Variants in ATXN3 observed in about 807,000 individuals in gnomAD.
ATXN3 encodes ataxin-3.
ATXN3 carries 28 observed loss-of-function variants against 58.2 expected under a neutral mutation model. The ratio of observed to expected loss-of-function variants is 0.48; its 90% CI spans 0.36 to 0.66. The LOEUF (loss-of-function observed/expected upper bound fraction) is 0.66. Ranked by LOEUF, ATXN3 falls within the 30% of genes least tolerant of loss-of-function variation. ATXN3 has a pLI of 0.00. For missense variants in ATXN3, 321 were observed against 422.1 expected, an observed-to-expected ratio of 0.76 and a Z score of 2.10; for synonymous variants, 113 against 138.5, an observed-to-expected ratio of 0.82 and a Z score of 1.29.
intron 10 of ATXN3, among the ~76,000 whole-genome samples, chr14:92,066,714 T>C (rs1302033265): frequency 6.6e-6 from 1 of 150,682 alleles, no homozygotes; most frequent in Non-Finnish European, 1.5e-5. Flanking sequence ...TTCAACCAAT[T>C]CTCTTGCCTC....
chr14:92,079,069 C>A (rs1378452979), intron 9 of ATXN3, among the ~76,000 whole-genome samples: 1 of 151,662 alleles, frequency 6.6e-6, no homozygotes, highest in Non-Finnish European at 1.5e-5. Flanking sequence ...ACCTGTAATC[C>A]CAGCTACTTG....
chr14:92,092,800 C>T (rs1293855033), intron 5 of ATXN3, among the ~76,000 whole-genome samples: 3 of 150,550 alleles, frequency 2.0e-5, no homozygotes, highest in Admixed American at 2.0e-4. Flanking sequence ...ACACACATTA[C>T]TGGTCAGTTT....
intron 2 of ATXN3, among the ~76,000 whole-genome samples, chr14:92,046,626 G>T (rs1160082704): frequency 1.4e-5 from 2 of 144,750 alleles, no homozygotes; most frequent in Non-Finnish European, 3.0e-5. Context: ...TTTAAGGAAT[G>T]GAAAGGGGAG....
At position 92,060,270 on chromosome 14, in the gene ATXN3, A is replaced by ATACACACACACATATATATATATATTT. The variant is rs1555392594; in HGVS notation, c.*4049_*4050insAAATATATATATATATGTGTGTGTGTA. ...CACACATATATATATATATATATATATTTTTTTTTTTCAGAAACAGTGTCT... is the reference window on the plus strand; with the variant it reads ...CACACATATATATATATATATATATATACACACACACATATATATATATATTTTTTTTTTTTTTCAGAAACAGTGTCT... On this transcript the variant is annotated 3_prime_UTR_variant, in exon 11 of 11. Transcript: ENST00000644486. The ATACACACACACATATATATATATATTT allele has an allele frequency of 4.3e-5, 5 of 117,410 alleles. No homozygotes were observed. Among genetic ancestry groups the ATACACACACACATATATATATATATTT allele is most frequent in the African/African-American group, 1.4e-4 (4 of 28,284 alleles). The allele number at this position is 117,410 out of a possible 1,614,324, so 7.3% of individuals were successfully genotyped here. A position where few individuals can be genotyped will look rare whatever the true frequency, so the allele number is the denominator to read the frequency against.
chr14:92,098,162 G>GATC (rs1375248078), intron 1 of ATXN3, among the ~76,000 whole-genome samples: 1 of 152,056 alleles, frequency 6.6e-6, no homozygotes, highest in Non-Finnish European at 1.5e-5. Context: ...TAAAAAAAGA[G>GATC]ATCTCACTAT....
rs1051309784 is a variant in ATXN3, at chr14:92,075,553, A to G, written c.873-4500T>C. Among the ~76,000 whole-genome samples the G allele has an allele frequency of 2.0e-5, 3 of 152,218 alleles. No homozygotes were observed. The East Asian group carries it at 5.8e-4, about 29-fold the overall frequency. ...ATGATTTTCTTTATGCATGAATACT[A>G]TGATTACTATATTCAGTATGAAGCT... On this transcript the variant is annotated intron_variant, in intron 9 of 10. Transcript: ENST00000644486.
In ATXN3 at chr14:92,097,198, T is replaced by C. The variant is rs111754914; in HGVS notation, c.25-360A>G. Among the ~76,000 whole-genome samples the C allele has an allele frequency of 6.9e-3, 1,022 of 147,896 alleles. 6 individuals carry two copies. The highest frequency in any genetic ancestry group is 0.012 in the South Asian group (58 of 4,644). ...TGCTGGGATTACAGGCGTGAGCCACTGCGCCCGGCTCCCCTAAATAATTTA... is the reference window on the plus strand; with the variant it reads ...TGCTGGGATTACAGGCGTGAGCCACCGCGCCCGGCTCCCCTAAATAATTTA... On this transcript the variant is annotated intron_variant, in intron 1 of 10. Transcript: ENST00000644486.
intron 1 of ATXN3, among the ~76,000 whole-genome samples, chr14:92,099,315 A>G (rs1167348846): frequency 6.6e-6 from 1 of 152,262 alleles, no homozygotes; most frequent in African/African-American, 2.4e-5. Context: ...GGTGAAAAAA[A>G]TATGGGTTAT....
In ATXN3 at chr14:92,064,187, C is replaced by T. The variant is rs376865350; in HGVS notation, c.*133G>A. On this transcript the variant is annotated 3_prime_UTR_variant, in exon 11 of 11. Transcript: ENST00000644486. ...CAACCGACGCATTGTTCCACTTTCC[C>T]ATCATTTTGTTTGCAAACCGCTAAA... is the stretch of plus-strand genomic sequence containing the variant. The T allele has an allele frequency of 3.5e-6, 2 of 563,602 alleles. No individual in the cohort carries two copies. Among genetic ancestry groups the T allele is most frequent in the South Asian group, 6.2e-5 (2 of 32,316 alleles). The allele number at this position is 563,602 out of a possible 1,614,324, so 34.9% of individuals were successfully genotyped here.
At chr14:92,072,159 C>T (rs1197891521) in intron 9 of ATXN3, among the ~76,000 whole-genome samples, 1 of 152,042 alleles carries the variant, frequency 6.6e-6, no homozygotes, top group Admixed American at 6.6e-5. Flanking sequence ...AATACAAATC[C>T]CCATTTTAAA....
intron 3 of ATXN3, among the ~76,000 whole-genome samples, chr14:92,094,980 C>T (rs1223469711): frequency 6.6e-6 from 1 of 151,912 alleles, no homozygotes; most frequent in Non-Finnish European, 1.5e-5. Flanking sequence ...AGGAGAGGTT[C>T]CGAAAGTACT....
intron 1 of ATXN3, 174 bp from the exon 2 acceptor site, chr14:92,097,012 A>ATTCTCCTGCCTC: frequency 1.8e-6 from 1 of 550,160 alleles, no homozygotes; most frequent in Non-Finnish European, 3.2e-6. Flanking sequence ...GGTTCATGCC[A>ATTCTCCTGCCTC]TTCTCCTGCC....
chr14:92,075,885 T>C (rs1325411070), intron 9 of ATXN3, among the ~76,000 whole-genome samples: 2 of 152,222 alleles, frequency 1.3e-5, no homozygotes, highest in Non-Finnish European at 2.9e-5. Flanking sequence ...CATGTGACTA[T>C]GTAAGATATT....
chr14:92,066,664 G>C (rs1249931151), intron 10 of ATXN3, among the ~76,000 whole-genome samples: 1 of 139,324 alleles, frequency 7.2e-6, no homozygotes. Context: ...CTGGAGTACA[G>C]TGGCATGAGC....
chr14:92,048,378 T>C (rs2057436496), intron 1 of ATXN3, among the ~76,000 whole-genome samples: 1 of 152,122 alleles, frequency 6.6e-6, no homozygotes, highest in Non-Finnish European at 1.5e-5. Context: ...TGTTGTGGGG[T>C]TTGAGGGCCG....
At chr14:92,068,596 T>C (rs1018248700) in intron 10 of ATXN3, among the ~76,000 whole-genome samples, 1 of 152,006 alleles carries the variant, frequency 6.6e-6, no homozygotes, top group East Asian at 1.9e-4. Context: ...GAATGGTTTT[T>C]TTTTTCTTTT....
At chr14:92,099,783 C>T (rs542143798) in intron 1 of ATXN3, among the ~76,000 whole-genome samples, 7 of 152,224 alleles carry the variant, frequency 4.6e-5, no homozygotes, top group African/African-American at 1.7e-4. Flanking sequence ...AGGAGGATAA[C>T]TTGAGCCCCA....
At chr14:92,053,085 C>G (rs2057453839), upstream of ATXN3, among the ~76,000 whole-genome samples, 1 of 152,102 alleles carries the variant, frequency 6.6e-6, no homozygotes, top group South Asian at 2.1e-4. Context: ...AACCCCGTCT[C>G]TACTAAAAAT....
At chr14:92,072,677 A>G (rs527986629) in intron 9 of ATXN3, among the ~76,000 whole-genome samples, 1 of 142,932 alleles carries the variant, frequency 7.0e-6, no homozygotes, top group Admixed American at 7.1e-5. Flanking sequence ...TGACAATCTC[A>G]GTGAGAAGCT....
Sources: gnomAD v4.1 joint callset for allele counts (sites outside exome capture counted in the v4.1 genomes callset) on GRCh38, gnomAD v4.1.1 for gene constraint, MANE v1.5 for transcripts, NCBI Gene and HGNC (gene_info 2026-07-23, HGNC 2026-07-21) for gene names.